ADAMTS6: variants seen among roughly 807,000 people sequenced by gnomAD.
The protein encoded by ADAMTS6 is ADAM metallopeptidase with thrombospondin type 1 motif 6.
A neutral mutation model predicts 144.3 loss-of-function variants in ADAMTS6; 23 were observed. The ratio of observed to expected loss-of-function variants is 0.16; its 90% CI spans 0.11 to 0.23. The LOEUF is 0.23. Among genes scored for constraint, ADAMTS6 ranks in the 10% least tolerant of loss-of-function variants. ADAMTS6 has a pLI of 1.00. For missense variants in ADAMTS6, 999 were observed against 1,379.6 expected (o/e 0.72, Z 4.37); for synonymous variants, 444 against 457.5 (o/e 0.97, Z 0.38).
At chr5:65,263,704 C>T (rs1264994771) in intron 12 of ADAMTS6, among the ~76,000 whole-genome samples, 1 of 152,182 alleles carries the variant, frequency 6.6e-6, no homozygotes, top group African/African-American at 2.4e-5. Context: ...CAACTCATAA[C>T]TCTAGCATGA....
intron 9 of ADAMTS6, among the ~76,000 whole-genome samples, chr5:65,325,040 A>G (rs1224990594): frequency 6.6e-6 from 1 of 152,190 alleles, no homozygotes; most frequent in African/African-American, 2.4e-5. Context: ...CCTAGACACA[A>G]AAGAGTACCC....
chr5:65,366,936 A>G (rs1175534310), intron 7 of ADAMTS6, among the ~76,000 whole-genome samples: 2 of 152,160 alleles, frequency 1.3e-5, no homozygotes, highest in Admixed American at 6.5e-5. Flanking sequence ...AACAACCAAG[A>G]CAGACTCTGT....
chr5:65,435,199 G>A (rs1195006834), intron 7 of ADAMTS6, among the ~76,000 whole-genome samples: 1 of 152,100 alleles, frequency 6.6e-6, no homozygotes, highest in African/African-American at 2.4e-5. Context: ...CATATTCTAT[G>A]TATTGTTATT....
At chr5:65,462,968 T>C (rs1759735625) in intron 3 of ADAMTS6, among the ~76,000 whole-genome samples, 1 of 151,520 alleles carries the variant, frequency 6.6e-6, no homozygotes, top group Non-Finnish European at 1.5e-5. Context: ...TAATCCCAGC[T>C]ACTCGGGAGG....
At chr5:65,451,673 T>C in intron 6 of ADAMTS6, 53 bp from the exon 7 acceptor site, 1 of 1,593,942 alleles carries the variant, frequency 6.3e-7, no homozygotes, top group African/African-American at 1.4e-5. Context: ...CTAAGGTCAG[T>C]TGTTAAAACT....
chr5:65,379,920 T>C (rs1453216357), intron 7 of ADAMTS6, among the ~76,000 whole-genome samples: 1 of 152,070 alleles, frequency 6.6e-6, no homozygotes, highest in Non-Finnish European at 1.5e-5. Context: ...CAAGAGTAAC[T>C]TTCATATTTA....
chr5:65,370,704 G>A (rs561291759), intron 7 of ADAMTS6, among the ~76,000 whole-genome samples: 25 of 152,294 alleles, frequency 1.6e-4, no homozygotes, highest in African/African-American at 4.8e-4. Flanking sequence ...GGGGAGGGGC[G>A]CCCACCATTG....
chr5:65,300,177 A>C, intron 9 of ADAMTS6, 46 bp from the exon 10 acceptor site: 1 of 1,565,636 alleles, frequency 6.4e-7, no homozygotes. Context: ...TAAGAAAAAA[A>C]CCCCAACACA....
At chr5:65,392,210 T>C (rs1311976115) in intron 7 of ADAMTS6, among the ~76,000 whole-genome samples, 2 of 151,840 alleles carry the variant, frequency 1.3e-5, no homozygotes, top group African/African-American at 4.8e-5. Flanking sequence ...TTTTATCACC[T>C]GGTCAAGATG....
At chr5:65,332,464 A>C (rs889154894) in intron 8 of ADAMTS6, among the ~76,000 whole-genome samples, 1 of 151,872 alleles carries the variant, frequency 6.6e-6, no homozygotes, top group African/African-American at 2.4e-5. Context: ...ATTATATCTA[A>C]AATTGACTGA....
Position 65,200,500 on chromosome 5 carries a change from G to A in ADAMTS6, c.2576-3349C>T, listed in dbSNP as rs16893516. Among the ~76,000 whole-genome samples, 487 of 152,172 alleles carry A rather than the reference G, an allele frequency of 3.2e-3. 4 individuals are homozygous for A. Among genetic ancestry groups the A allele is most frequent in the African/African-American group, 0.011 (459 of 41,518 alleles). ...TGGGAATAATTACATCCAGTTACAC[G>A]AAACCACGATGCTTTCAAATCTAAA... On this transcript the variant is annotated intron_variant, in intron 20 of 24. Coordinates refer to ENST00000381055, the MANE Select transcript of ADAMTS6 (RefSeq NM_197941.4).
At chr5:65,179,889 TA>T (rs1223451765) in intron 22 of ADAMTS6, among the ~76,000 whole-genome samples, 5 of 152,268 alleles carry the variant, frequency 3.3e-5, no homozygotes, top group Non-Finnish European at 7.4e-5. Context: ...ATAAGCTCCT[TA>T]AAATTACTCC....
At chr5:65,233,255 T>C (rs1053062191) in intron 15 of ADAMTS6, among the ~76,000 whole-genome samples, 2 of 152,054 alleles carry the variant, frequency 1.3e-5, no homozygotes, top group Non-Finnish European at 2.9e-5. Flanking sequence ...AAGGCTGACA[T>C]TTTTTCCTCT....
intron 1 of ADAMTS6, among the ~76,000 whole-genome samples, chr5:65,478,574 T>C (rs1761000827): frequency 6.6e-6 from 1 of 152,192 alleles, no homozygotes; most frequent in Admixed American, 6.5e-5. Context: ...TAAATAATAT[T>C]AGCCCTCCTT....
At chr5:65,155,545 T>C (rs1474661404) in intron 24 of ADAMTS6, among the ~76,000 whole-genome samples, 1 of 152,208 alleles carries the variant, frequency 6.6e-6, no homozygotes, top group Non-Finnish European at 1.5e-5. Context: ...TATAATCTTA[T>C]AGGACCACCT....
chr5:65,170,477 G>T, intron 24 of ADAMTS6, 140 bp downstream of exon 24: 1 of 929,260 alleles, frequency 1.1e-6, no homozygotes, highest in Non-Finnish European at 1.5e-6. Flanking sequence ...TTTCCTGATT[G>T]CTGTCTGCAT....
At chr5:65,290,668 G>C (rs996522043) in intron 11 of ADAMTS6, among the ~76,000 whole-genome samples, 22 of 152,086 alleles carry the variant, frequency 1.4e-4, no homozygotes, top group African/African-American at 4.8e-4. Flanking sequence ...TGCTTATATT[G>C]TGTTCTTAAT....
chr5:65,273,274 A>G lies in ADAMTS6; in HGVS notation c.1620+66T>C, dbSNP rs79659006. ...ATATATAAGACTTCCTGGTGGTTGA[A>G]TATCAGTACCAGCAATTTATCACTT... On this transcript the variant is annotated intron_variant, in intron 12 of 24. Coordinates refer to ENST00000381055, the MANE Select transcript of ADAMTS6 (RefSeq NM_197941.4). The G allele has an allele frequency of 1.0e-3, 1,394 of 1,349,022 alleles. 15 individuals are homozygous for G. In the African/African-American group the frequency reaches 0.018, roughly 17 times the overall value. The allele number at this position is 1,349,022 out of a possible 1,614,324, so 83.6% of individuals were successfully genotyped here.
intron 11 of ADAMTS6, 31 bp downstream of exon 11, chr5:65,291,298 A>G: frequency 6.3e-7 from 1 of 1,593,658 alleles, no homozygotes; most frequent in Non-Finnish European, 8.6e-7. Flanking sequence ...ACACGTATAA[A>G]TGACGAAACA....
Sources: allele counts gnomAD v4.1 joint callset (sites outside exome capture counted in the v4.1 genomes callset), GRCh38; gene constraint gnomAD v4.1.1; transcripts MANE v1.5; gene names NCBI Gene and HGNC (gene_info 2026-07-23, HGNC 2026-07-21).